The following GALNT13 variants were observed in gnomAD, a reference collection of about 807,000 sequenced individuals.
GALNT13 encodes the protein UDP-GalNAc:polypeptide N-acetylgalactosaminyltransferase 13.
GALNT13 carries 28 observed loss-of-function variants against 64.2 expected under a neutral mutation model. The ratio of observed to expected loss-of-function variants is 0.44; its 90% confidence interval spans 0.32 to 0.60. The LOEUF (loss-of-function observed/expected upper bound fraction) is 0.60, where lower values mean the gene tolerates loss of function less well. Ranked by LOEUF, GALNT13 falls within the 20% of genes least tolerant of loss-of-function variation. The probability of loss-of-function intolerance (pLI) is 0.05; values close to 1 mark genes in which losing one functional copy is unlikely to be tolerated. For synonymous variants in GALNT13, 214 were observed against 224.6 expected, an observed-to-expected ratio of 0.95 and a Z score of 0.42; for missense variants, 577 against 669.8, an observed-to-expected ratio of 0.86 and a Z score of 1.53.
At chr2:153,992,475 G>C (rs547885120) in intron 3 of GALNT13, among the ~76,000 whole-genome samples, 4 of 152,126 alleles carry the variant, frequency 2.6e-5, no homozygotes, top group Non-Finnish European at 5.9e-5. Flanking sequence ...AAATGGAACA[G>C]GACCGAGTAA....
At chr2:153,586,422 A>T in the GALNT13 span, among the ~76,000 whole-genome samples, 1 of 152,212 alleles carries the variant, frequency 6.6e-6, no homozygotes, top group Non-Finnish European at 1.5e-5. Context: ...AATCGACTTT[A>T]AGTTAAAAAC....
the GALNT13 span, among the ~76,000 whole-genome samples, chr2:153,166,620 CATGTGT>C: frequency 8.3e-5 from 6 of 72,596 alleles, no homozygotes; most frequent in East Asian, 3.3e-4. Flanking sequence ...TTGCCTACTG[CATGTGT>C]GTGTGTGTGT....
chr2:154,165,745 A>C (rs897531136), intron 4 of GALNT13, among the ~76,000 whole-genome samples: 2 of 152,206 alleles, frequency 1.3e-5, no homozygotes, highest in African/African-American at 2.4e-5. Context: ...AAGGGCACTG[A>C]TTGTAGTTTT....
At chr2:154,285,904 A>C (rs184133917) in intron 8 of GALNT13, among the ~76,000 whole-genome samples, 11 of 152,300 alleles carry the variant, frequency 7.2e-5, no homozygotes, top group Non-Finnish European at 1.5e-4. Context: ...TTCAATAAAC[A>C]CATCTTTCAC....
chr2:153,339,189 C>T, the GALNT13 span, among the ~76,000 whole-genome samples: 1 of 152,122 alleles, frequency 6.6e-6, no homozygotes, highest in Non-Finnish European at 1.5e-5. Flanking sequence ...TTTTGAAGAA[C>T]TTCCAACCTG....
At chr2:153,793,716 T>C in the GALNT13 span, among the ~76,000 whole-genome samples, 1 of 150,954 alleles carries the variant, frequency 6.6e-6, no homozygotes, top group East Asian at 1.9e-4. Flanking sequence ...CAAAGGAAAA[T>C]TTAAATCTTC....
chr2:153,156,616 A>G, the GALNT13 span, among the ~76,000 whole-genome samples: 3 of 152,124 alleles, frequency 2.0e-5, no homozygotes, highest in African/African-American at 4.8e-5. Context: ...TTTCTTTTAG[A>G]TTTATACTGA....
chr2:154,454,042 A>G (rs971229584), downstream of GALNT13, among the ~76,000 whole-genome samples: 2 of 152,154 alleles, frequency 1.3e-5, no homozygotes, highest in Non-Finnish European at 2.9e-5. Context: ...GGCCACTTGA[A>G]GGTATAAGAT....
At chr2:153,802,201 A>G in the GALNT13 span, among the ~76,000 whole-genome samples, 20 of 152,182 alleles carry the variant, frequency 1.3e-4, no homozygotes, top group Admixed American at 1.3e-3. Context: ...TTTCTTTAAG[A>G]CTTTCTCAAA....
chr2:153,252,762 G>T, the GALNT13 span, among the ~76,000 whole-genome samples: 30 of 152,162 alleles, frequency 2.0e-4, no homozygotes, highest in Admixed American at 3.9e-4. Context: ...TGTCAGGTTT[G>T]TCAAAGATCT....
the GALNT13 span, among the ~76,000 whole-genome samples, chr2:153,324,340 A>C: frequency 3.3e-5 from 5 of 152,220 alleles, no homozygotes; most frequent in East Asian, 7.7e-4. Context: ...TTGCACACTG[A>C]TTTTGTATCC....
chr2:154,023,550 G>T (rs1241561176), intron 3 of GALNT13, among the ~76,000 whole-genome samples: 1 of 152,218 alleles, frequency 6.6e-6, no homozygotes, highest in East Asian at 1.9e-4. Flanking sequence ...TTGCTTGGTA[G>T]ATCTTCCTCC....
intron 11 of GALNT13, among the ~76,000 whole-genome samples, chr2:154,433,655 T>C (rs532457628): frequency 6.6e-6 from 1 of 152,166 alleles, no homozygotes; most frequent in African/African-American, 2.4e-5. Context: ...GGGGAATTAT[T>C]TGATATTACA....
At chr2:154,331,766 A>G (rs1477473726) in intron 9 of GALNT13, among the ~76,000 whole-genome samples, 2 of 152,104 alleles carry the variant, frequency 1.3e-5, no homozygotes, top group African/African-American at 4.8e-5. Flanking sequence ...AGTAGTGAGT[A>G]CTAATTTTAA....
intron 9 of GALNT13, among the ~76,000 whole-genome samples, chr2:154,378,089 G>C (rs1698085650): frequency 6.6e-6 from 1 of 152,014 alleles, no homozygotes; most frequent in Non-Finnish European, 1.5e-5. Context: ...TCAGATTTCA[G>C]ACCCACAGAC....
chr2:153,663,447 G>A, the GALNT13 span, among the ~76,000 whole-genome samples: 3 of 152,100 alleles, frequency 2.0e-5, no homozygotes, highest in South Asian at 6.2e-4. Flanking sequence ...TTTTGCCCAT[G>A]TCAGAAAAAA....
intron 9 of GALNT13, among the ~76,000 whole-genome samples, chr2:154,340,361 AC>A (rs773833449): frequency 3.3e-5 from 5 of 152,114 alleles, no homozygotes; most frequent in African/African-American, 4.8e-5. Flanking sequence ...GTAGCTGGGA[AC>A]TACAGGTGCA....
At chr2:153,409,685 G>C in the GALNT13 span, among the ~76,000 whole-genome samples, 1 of 152,032 alleles carries the variant, frequency 6.6e-6, no homozygotes, top group Non-Finnish European at 1.5e-5. Flanking sequence ...AATAAAATGT[G>C]AGAAAGGCTA....
intron 3 of GALNT13, among the ~76,000 whole-genome samples, chr2:154,049,739 T>C (rs1255848991): frequency 2.0e-5 from 3 of 151,860 alleles, no homozygotes; most frequent in African/African-American, 7.2e-5. Context: ...TCTATAATCC[T>C]TTACTGGCAA....
Sources: gnomAD v4.1 joint callset for allele counts (sites outside exome capture counted in the v4.1 genomes callset) on GRCh38, gnomAD v4.1.1 for gene constraint, MANE v1.5 for transcripts, NCBI Gene and HGNC (gene_info 2026-07-23, HGNC 2026-07-21) for gene names.